Variants in NRXN3 observed in about 807,000 individuals in gnomAD.
The protein encoded by NRXN3 is neurexin 3, also known as neurexin III.
In NRXN3, 32 loss-of-function variants were observed where a neutral mutation model predicts 137.6. That is an observed-to-expected ratio of 0.23 (90% CI 0.18 to 0.31). The LOEUF (loss-of-function observed/expected upper bound fraction) is 0.31. NRXN3 is among the 10% of genes least tolerant of loss of function. The pLI, the probability that NRXN3 is intolerant of heterozygous loss-of-function variation, is 1.00. For missense variants in NRXN3, 1,574 were observed against 2,062.5 expected, an observed-to-expected ratio of 0.76 and a Z score of 4.59; for synonymous variants, 798 against 784.5, an observed-to-expected ratio of 1.02 and a Z score of -0.29.
intron 10 of NRXN3, among the ~76,000 whole-genome samples, chr14:78,841,945 T>G (rs2099013614): frequency 6.6e-6 from 1 of 152,164 alleles, no homozygotes. Flanking sequence ...CTTTCAGGGT[T>G]AGAATGAGGA....
chr14:79,180,250 A>G (rs1181204252), intron 15 of NRXN3, among the ~76,000 whole-genome samples: 1 of 152,168 alleles, frequency 6.6e-6, no homozygotes, highest in Admixed American at 6.5e-5. Flanking sequence ...TTGCCATAGC[A>G]ATGAAAGAAG....
chr14:78,572,707 C>T (rs2096901055), intron 4 of NRXN3, among the ~76,000 whole-genome samples: 1 of 152,202 alleles, frequency 6.6e-6, no homozygotes, highest in South Asian at 2.1e-4. Flanking sequence ...GAAAACATCA[C>T]ACCAGAGTTT....
At chr14:78,212,487 G>T (rs1331369624) in intron 1 of NRXN3, among the ~76,000 whole-genome samples, 1 of 152,162 alleles carries the variant, frequency 6.6e-6, no homozygotes, top group Non-Finnish European at 1.5e-5. Flanking sequence ...CCAGCTTATT[G>T]TGAGGAGGGT....
chr14:78,317,677 A>C (rs1398442314), intron 4 of NRXN3, among the ~76,000 whole-genome samples: 1 of 152,176 alleles, frequency 6.6e-6, no homozygotes, highest in Non-Finnish European at 1.5e-5. Context: ...TTCTAATGCG[A>C]ATCCCATTTA....
chr14:79,540,378 GT>G (rs1396197121), intron 16 of NRXN3, among the ~76,000 whole-genome samples: 2 of 152,120 alleles, frequency 1.3e-5, no homozygotes, highest in African/African-American at 4.8e-5. Context: ...TCAAACCAGT[GT>G]GTTTAGCGTA....
intron 8 of NRXN3, among the ~76,000 whole-genome samples, chr14:78,745,558 A>G (rs2098603192): frequency 6.6e-6 from 1 of 152,306 alleles, no homozygotes; most frequent in South Asian, 2.1e-4. Context: ...ATTTTCTCAC[A>G]GGATAGTCTA....
intron 19 of NRXN3, among the ~76,000 whole-genome samples, chr14:79,744,770 G>C (rs927659797): frequency 5.3e-5 from 8 of 152,146 alleles, no homozygotes; most frequent in Non-Finnish European, 7.3e-5. Flanking sequence ...ACTAGTGATA[G>C]AGCACATTAT....
At chr14:79,177,324 G>T (rs1208006922) in intron 15 of NRXN3, among the ~76,000 whole-genome samples, 1 of 152,040 alleles carries the variant, frequency 6.6e-6, no homozygotes, top group Non-Finnish European at 1.5e-5. Flanking sequence ...AGACCCACCC[G>T]CTCACTCCCG....
chr14:79,691,555 C>T (rs963413485), intron 17 of NRXN3, among the ~76,000 whole-genome samples: 1 of 152,018 alleles, frequency 6.6e-6, no homozygotes, highest in African/African-American at 2.4e-5. Context: ...AAAAGCTTAT[C>T]TGTACTGATC....
chr14:78,504,228 C>T (rs1338792801), intron 4 of NRXN3, among the ~76,000 whole-genome samples: 1 of 152,180 alleles, frequency 6.6e-6, no homozygotes, highest in Non-Finnish European at 1.5e-5. Context: ...CTGGTCATTG[C>T]TCCTGCTGTA....
intron 3 of NRXN3, among the ~76,000 whole-genome samples, chr14:78,289,130 A>C (rs1415547847): frequency 6.6e-6 from 1 of 152,222 alleles, no homozygotes; most frequent in Non-Finnish European, 1.5e-5. Context: ...CATCATCATC[A>C]GTCCAGCAAT....
intron 15 of NRXN3, among the ~76,000 whole-genome samples, chr14:79,031,266 G>A (rs1363354638): frequency 6.6e-6 from 1 of 151,978 alleles, no homozygotes; most frequent in Non-Finnish European, 1.5e-5. Context: ...AATCCAGCAA[G>A]GTTAAATATT....
chr14:79,419,498 A>G (rs1486021396), intron 15 of NRXN3, among the ~76,000 whole-genome samples: 3 of 152,170 alleles, frequency 2.0e-5, no homozygotes, highest in Non-Finnish European at 4.4e-5. Context: ...AAGTGCAAAG[A>G]GTGTGATATG....
chr14:78,926,649 A>T (rs1319300737), intron 10 of NRXN3, among the ~76,000 whole-genome samples: 1 of 100,184 alleles, frequency 1.0e-5, no homozygotes, highest in Non-Finnish European at 2.0e-5. Flanking sequence ...TTTATATATA[A>T]TATATATATT....
chr14:78,755,853 C>T (rs1043443195), intron 8 of NRXN3, among the ~76,000 whole-genome samples: 1 of 152,164 alleles, frequency 6.6e-6, no homozygotes, highest in Non-Finnish European at 1.5e-5. Context: ...TGTATGTTTA[C>T]CTATCTGCTG....
chr14:78,606,561 A>G (rs1367034368), intron 4 of NRXN3, among the ~76,000 whole-genome samples: 1 of 152,182 alleles, frequency 6.6e-6, no homozygotes, highest in African/African-American at 2.4e-5. Context: ...CTCTCCCGCT[A>G]GGCTGTGAAC....
At chr14:79,430,658 T>G (rs555685815) in intron 15 of NRXN3, among the ~76,000 whole-genome samples, 1 of 152,204 alleles carries the variant, frequency 6.6e-6, no homozygotes, top group African/African-American at 2.4e-5. Flanking sequence ...TTGGTTCTGT[T>G]GTCTGGAGAA....
intron 16 of NRXN3, among the ~76,000 whole-genome samples, chr14:79,560,522 T>TTTTTTTG: frequency 7.5e-6 from 1 of 132,470 alleles, no homozygotes; most frequent in Non-Finnish European, 1.6e-5. Context: ...TTTTTTTTTT[T>TTTTTTTG]TTTTTTGAGA....
intron 16 of NRXN3, among the ~76,000 whole-genome samples, chr14:79,643,293 C>T (rs1258865311): frequency 7.4e-6 from 1 of 135,848 alleles, no homozygotes; most frequent in East Asian, 2.0e-4. Flanking sequence ...TTCCTCCTGT[C>T]TTCCTGTCTC....
Sources: gnomAD v4.1 joint callset for allele counts (sites outside exome capture counted in the v4.1 genomes callset) on GRCh38, gnomAD v4.1.1 for gene constraint, MANE v1.5 for transcripts, NCBI Gene and HGNC (gene_info 2026-07-23, HGNC 2026-07-21) for gene names.